Variants in PCDH11Y observed in about 807,000 individuals in gnomAD.
PCDH11Y encodes the protein protocadherin 11 Y-linked, also known as protocadherin-11 Y-linked.
For missense variants in PCDH11Y, 12 were observed against 224.8 expected (o/e 0.05, Z 6.05); for synonymous variants, 9 against 83.6 (o/e 0.11, Z 4.87).
At chrY:5,603,967 GAGAA>G (rs2053476744) in intron 4 of PCDH11Y, among the ~76,000 whole-genome samples, 1 of 31,956 alleles carries the variant, frequency 3.1e-5, no homozygotes, top group Non-Finnish European at 7.7e-5. Context: ...AAGAGAGAGA[GAGAA>G]AGCAAGCAAG....
intron 1 of PCDH11Y, among the ~76,000 whole-genome samples, chrY:5,097,329 A>G: frequency 3.3e-5 from 1 of 30,758 alleles, no homozygotes; most frequent in Non-Finnish European, 7.7e-5. Context: ...TTTATTAGAT[A>G]TGATACTTAT....
chrY:5,272,478 A>G, intron 2 of PCDH11Y, among the ~76,000 whole-genome samples: 1 of 32,848 alleles, frequency 3.0e-5, no homozygotes, highest in Non-Finnish European at 7.5e-5. Flanking sequence ...ACTTTGGATT[A>G]CCCATTCCTT....
At chrY:5,701,227 C>G (rs2053577437) in intron 4 of PCDH11Y, among the ~76,000 whole-genome samples, 1 of 30,514 alleles carries the variant, frequency 3.3e-5, no homozygotes, top group Non-Finnish European at 7.9e-5. Context: ...AGGAGAAATT[C>G]AAGCCGGCTT....
At chrY:5,003,614 A>G (rs2052535165) in intron 1 of PCDH11Y, among the ~76,000 whole-genome samples, 1 of 33,666 alleles carries the variant, frequency 3.0e-5, no homozygotes, top group Non-Finnish European at 7.4e-5. Context: ...CACTACTGCC[A>G]TAGGGGAGAG....
intron 2 of PCDH11Y, among the ~76,000 whole-genome samples, chrY:5,206,177 G>A: frequency 6.1e-5 from 2 of 33,024 alleles, no homozygotes; most frequent in Non-Finnish European, 1.5e-4. Context: ...TGCTGATAAA[G>A]ACATACCTGA....
chrY:5,594,329 G>C, intron 4 of PCDH11Y, among the ~76,000 whole-genome samples: 7 of 32,647 alleles, frequency 2.1e-4, no homozygotes, highest in Admixed American at 5.5e-4. Context: ...ACAGGGGCAG[G>C]GGCCTGGCAA....
intron 4 of PCDH11Y, among the ~76,000 whole-genome samples, chrY:5,710,161 T>C (rs2053585470): frequency 6.0e-5 from 2 of 33,438 alleles, no homozygotes; most frequent in Non-Finnish European, 1.5e-4. Flanking sequence ...GTTAATTTGG[T>C]TCCCCCAATG....
At chrY:5,642,968 C>T in intron 4 of PCDH11Y, among the ~76,000 whole-genome samples, 1 of 33,257 alleles carries the variant, frequency 3.0e-5, no homozygotes, top group Admixed American at 2.7e-4. Context: ...TCTGGTAGTT[C>T]GCATTGTCAT....
chrY:5,681,082 G>A, intron 4 of PCDH11Y, among the ~76,000 whole-genome samples: 3 of 32,906 alleles, frequency 9.1e-5, no homozygotes, highest in Non-Finnish European at 2.2e-4. Context: ...GATAAGGAAA[G>A]AATCCTAAAA....
At chrY:5,376,493 T>A in intron 2 of PCDH11Y, among the ~76,000 whole-genome samples, 1 of 33,709 alleles carries the variant, frequency 3.0e-5, no homozygotes, top group African/African-American at 1.2e-4. Context: ...ATAGATGAAT[T>A]TTGTCAAACG....
At chrY:5,027,760 C>T (rs2052581263) in intron 1 of PCDH11Y, among the ~76,000 whole-genome samples, 1 of 28,099 alleles carries the variant, frequency 3.6e-5, no homozygotes, top group Non-Finnish European at 8.0e-5. Flanking sequence ...GGATAAAGGG[C>T]ATTTGATGCT....
exon 2 of PCDH11Y, chrY:5,099,031 T>C (rs1340922304): frequency 2.5e-6 from 1 of 394,805 alleles, no homozygotes; most frequent in Non-Finnish European, 3.5e-6. Flanking sequence ...AGCAATGCTC[T>C]TCATCAAAGT....
chrY:5,723,705 T>C (rs2053596644), intron 4 of PCDH11Y, among the ~76,000 whole-genome samples: 1 of 32,882 alleles, frequency 3.0e-5, no homozygotes, highest in Admixed American at 2.8e-4. Flanking sequence ...GCCAACAGTG[T>C]CAGAATACAA....
chrY:5,717,390 A>G (rs1602963543), intron 4 of PCDH11Y, among the ~76,000 whole-genome samples: 3 of 33,341 alleles, frequency 9.0e-5, no homozygotes, highest in South Asian at 6.6e-4. Flanking sequence ...AGCTCAAACA[A>G]CTGTATTAAA....
chrY:5,464,242 T>C, intron 2 of PCDH11Y, among the ~76,000 whole-genome samples: 1 of 32,147 alleles, frequency 3.1e-5, no homozygotes, highest in African/African-American at 1.2e-4. Flanking sequence ...CTTGTTTCAT[T>C]TTTTTGATTT....
chrY:5,407,695 T>C (rs368147705), intron 2 of PCDH11Y, among the ~76,000 whole-genome samples: 24 of 31,652 alleles, frequency 7.6e-4, no homozygotes, highest in East Asian at 1.7e-3. Flanking sequence ...GGGCAGATCA[T>C]GAGGTCAGGA....
At chrY:5,455,148 T>C in intron 2 of PCDH11Y, among the ~76,000 whole-genome samples, 2 of 33,590 alleles carry the variant, frequency 6.0e-5, no homozygotes, top group African/African-American at 1.2e-4. Context: ...GCTAGAATTT[T>C]CTTCTGCCAG....
chrY:5,654,717 C>T, intron 4 of PCDH11Y, among the ~76,000 whole-genome samples: 2 of 32,054 alleles, frequency 6.2e-5, no homozygotes, highest in Non-Finnish European at 1.5e-4. Flanking sequence ...AAACAGACAC[C>T]GGGGCATATG....
chrY:5,290,703 C>T, intron 2 of PCDH11Y, among the ~76,000 whole-genome samples: 1 of 19,731 alleles, frequency 5.1e-5, no homozygotes, highest in Non-Finnish European at 1.1e-4. Flanking sequence ...AAGAAACTGA[C>T]TTTTCTCTAG....
Sources: allele counts gnomAD v4.1 joint callset (sites outside exome capture counted in the v4.1 genomes callset), GRCh38; gene constraint gnomAD v4.1.1; transcripts MANE v1.5; gene names NCBI Gene and HGNC (gene_info 2026-07-23, HGNC 2026-07-21).